The following POLN variants were observed in gnomAD, a reference collection of about 807,000 sequenced individuals.
POLN encodes the protein DNA polymerase N.
Under a neutral mutation model 113.5 loss-of-function variants are expected in POLN, and 108 were observed. The ratio of observed to expected loss-of-function variants is 0.95; its 90% CI spans 0.81 to 1.12. The LOEUF is 1.12. Among genes scored for constraint, POLN ranks in the 50% most tolerant of loss-of-function variants. The probability of loss-of-function intolerance (pLI) is 0.00; values close to 1 mark genes in which losing one functional copy is unlikely to be tolerated. For missense variants in POLN, 1,097 were observed against 1,077.1 expected, an observed-to-expected ratio of 1.02 and a Z score of -0.26; for synonymous variants, 386 against 391.5, an observed-to-expected ratio of 0.99 and a Z score of 0.17.
intron 20 of POLN, among the ~76,000 whole-genome samples, chr4:2,087,753 A>G (rs1457968334): frequency 6.6e-6 from 1 of 152,050 alleles, no homozygotes; most frequent in African/African-American, 2.4e-5. Context: ...CTTCCTGTTT[A>G]GGAATTTGGG....
At chr4:2,119,550 T>C (rs182473054) in intron 19 of POLN, among the ~76,000 whole-genome samples, 1 of 152,316 alleles carries the variant, frequency 6.6e-6, no homozygotes, top group African/African-American at 2.4e-5. Context: ...GGCTTTATAG[T>C]TGATTTCTTT....
chr4:2,223,279 T>C (rs1734305315), intron 3 of POLN, among the ~76,000 whole-genome samples: 1 of 152,126 alleles, frequency 6.6e-6, no homozygotes. Context: ...CCAGTACCTG[T>C]CTGTAGTCTG....
At chr4:2,145,749 G>A (rs1359281916) in intron 16 of POLN, among the ~76,000 whole-genome samples, 1 of 152,192 alleles carries the variant, frequency 6.6e-6, no homozygotes, top group African/African-American at 2.4e-5. Context: ...TGTCAGGAGA[G>A]TTGAATACCA....
At chr4:2,162,221 C>A (rs534348319) in intron 13 of POLN, among the ~76,000 whole-genome samples, 1 of 152,164 alleles carries the variant, frequency 6.6e-6, no homozygotes, top group Admixed American at 6.5e-5. Flanking sequence ...ACACTCACTG[C>A]GAAGGTCTGC....
chr4:2,240,753 T>C, intron 2 of POLN: 3 of 1,614,012 alleles, frequency 1.9e-6, no homozygotes, highest in South Asian at 1.1e-5. Context: ...GCCTGATTTC[T>C]GAAGAATGCT....
chr4:2,227,056 CATAACCCCAAA>C (rs1734415856), intron 3 of POLN, among the ~76,000 whole-genome samples: 1 of 152,226 alleles, frequency 6.6e-6, no homozygotes, highest in Non-Finnish European at 1.5e-5. Context: ...CATGTCCTCA[CATAACCCCAAA>C]CCGCTTTGAG....
At chr4:2,096,734 C>CAT (rs1560986184) in intron 19 of POLN, among the ~76,000 whole-genome samples, 23 of 139,130 alleles carry the variant, frequency 1.7e-4, no homozygotes, top group African/African-American at 6.2e-4. Flanking sequence ...GAGAGAGACA[C>CAT]ACAGAGAGAA....
intron 13 of POLN, among the ~76,000 whole-genome samples, chr4:2,161,867 G>C (rs1400654162): frequency 2.0e-5 from 3 of 152,160 alleles, no homozygotes. Context: ...GTTTGTGAAT[G>C]CACCAATTGA....
intron 2 of POLN, among the ~76,000 whole-genome samples, chr4:2,239,315 CATT>C (rs1734886513): frequency 6.6e-6 from 1 of 152,140 alleles, no homozygotes; most frequent in Non-Finnish European, 1.5e-5. Flanking sequence ...TAATCAGAAT[CATT>C]ATTAATAGGA....
chr4:2,176,577 G>A (rs1170575292), intron 8 of POLN, among the ~76,000 whole-genome samples: 1 of 152,090 alleles, frequency 6.6e-6, no homozygotes, highest in African/African-American at 2.4e-5. Flanking sequence ...CCCAACCGAG[G>A]GTATTTCTTC....
chr4:2,095,567 AGTG>A (rs1246741153), intron 20 of POLN, among the ~76,000 whole-genome samples: 1 of 152,222 alleles, frequency 6.6e-6, no homozygotes, highest in African/African-American at 2.4e-5. Flanking sequence ...CAAGCACAGC[AGTG>A]GTGCCTAGCA....
chr4:2,138,940 CTT>C, intron 16 of POLN, among the ~76,000 whole-genome samples: 1 of 144,420 alleles, frequency 6.9e-6, no homozygotes, highest in African/African-American at 2.5e-5. Flanking sequence ...ATCACTGTGC[CTT>C]TTTTTTTTTT....
At chr4:2,151,936 A>T (rs1260755019) in intron 16 of POLN, among the ~76,000 whole-genome samples, 1 of 152,150 alleles carries the variant, frequency 6.6e-6, no homozygotes, top group African/African-American at 2.4e-5. Flanking sequence ...CAGAAGCAAT[A>T]ACTTTCTCTT....
intron 5 of POLN, among the ~76,000 whole-genome samples, chr4:2,203,865 T>C (rs751394205): frequency 3.3e-5 from 5 of 151,922 alleles, no homozygotes; most frequent in African/African-American, 4.8e-5. Context: ...ATCCCAGCAC[T>C]TTGGGCGGCA....
intron 2 of POLN, chr4:2,238,779 C>T (rs1423004609): frequency 6.2e-7 from 1 of 1,613,646 alleles, no homozygotes; most frequent in Non-Finnish European, 8.5e-7. Flanking sequence ...AATTCAATTT[C>T]ATATGATAAC....
rs146648556 is a variant in POLN at position 2,097,405 on chromosome 4, C to A, written c.1983-1472G>T. ...TTACTCTGTCACCCAGGCTGGAGGG[C>A]AGTGGTGCGATCTCGACTCACTGCA... On this transcript the variant is annotated intron_variant, in intron 19 of 25. Transcript: ENST00000511885. Among the ~76,000 whole-genome samples the A allele has an allele frequency of 1.3e-4, 19 of 148,756 alleles. No homozygotes were observed. In the East Asian group the frequency reaches 3.2e-3, roughly 25 times the overall value.
chr4:2,231,423 C>T (rs947052999), intron 2 of POLN: 1 of 152,768 alleles, frequency 6.5e-6, no homozygotes, highest in Non-Finnish European at 1.5e-5. Context: ...CATGGTGAAA[C>T]CCCTTTTCTA....
intron 13 of POLN, among the ~76,000 whole-genome samples, chr4:2,161,598 C>A (rs1406003197): frequency 6.6e-6 from 1 of 152,224 alleles, no homozygotes; most frequent in African/African-American, 2.4e-5. Context: ...ATGAGCGCCG[C>A]CCCCTGCTCC....
At chr4:2,156,481 G>C (rs1732435314) in intron 16 of POLN, 1 of 524,422 alleles carries the variant, frequency 1.9e-6, no homozygotes, top group African/African-American at 1.9e-5. Context: ...GAAATCAGAA[G>C]CCACCTGTCT....
Sources: allele counts gnomAD v4.1 joint callset (sites outside exome capture counted in the v4.1 genomes callset), GRCh38; gene constraint gnomAD v4.1.1; transcripts MANE v1.5; gene names NCBI Gene and HGNC (gene_info 2026-07-23, HGNC 2026-07-21).